Variants in PRKN observed in about 807,000 individuals in gnomAD.
The protein encoded by PRKN is E3 ubiquitin-protein ligase parkin.
PRKN carries 56 observed loss-of-function variants against 59.5 expected under a neutral mutation model. The ratio of observed to expected loss-of-function variants is 0.94; its 90% CI spans 0.76 to 1.18. The LOEUF (loss-of-function observed/expected upper bound fraction) is 1.18. PRKN is among the 50% of genes most tolerant of loss of function. PRKN has a pLI of 0.00. For missense variants in PRKN, 657 were observed against 596.4 expected, an observed-to-expected ratio of 1.10 and a Z score of -1.06; for synonymous variants, 250 against 222.1, an observed-to-expected ratio of 1.13 and a Z score of -1.12.
chr6:162,467,989 T>A (rs756667208), intron 1 of PRKN, among the ~76,000 whole-genome samples: 3 of 152,178 alleles, frequency 2.0e-5, no homozygotes, highest in Admixed American at 1.3e-4. Flanking sequence ...GCTGCACAGG[T>A]CTTCCTGTGA....
intron 1 of PRKN, among the ~76,000 whole-genome samples, chr6:162,610,820 T>C (rs988301348): frequency 1.3e-5 from 2 of 152,190 alleles, no homozygotes; most frequent in African/African-American, 4.8e-5. Context: ...CCTTAATTCA[T>C]TCGAGATTTT....
intron 1 of PRKN, among the ~76,000 whole-genome samples, chr6:162,640,573 A>C (rs1777920330): frequency 6.6e-6 from 1 of 152,188 alleles, no homozygotes; most frequent in Non-Finnish European, 1.5e-5. Context: ...ACAGCAACAT[A>C]TCTAAACAAA....
At chr6:161,615,582 G>A (rs1386507469) in intron 7 of PRKN, among the ~76,000 whole-genome samples, 10 of 152,214 alleles carry the variant, frequency 6.6e-5, no homozygotes, top group African/African-American at 2.2e-4. Flanking sequence ...CACAAGCACC[G>A]GCAAACAGCC....
In PRKN at chr6:161,926,279, G is replaced by A. The variant is rs547074773; in HGVS notation, c.734+47023C>T. Among the ~76,000 whole-genome samples, 5 of 152,222 alleles carry A rather than the reference G, an allele frequency of 3.3e-5. No individual in the cohort carries two copies. The South Asian group carries it at 1.0e-3, about 32-fold the overall frequency. On this transcript the variant is annotated intron_variant, in intron 6 of 11. Coordinates refer to ENST00000366898, the MANE Select transcript of PRKN (RefSeq NM_004562.3). ...CATACTTATATACCTAAATACGCAG[G>A]TCAAGACCTGGGCGAATTTCCCTAT...
intron 2 of PRKN, among the ~76,000 whole-genome samples, chr6:162,441,334 C>T (rs1440970199): frequency 6.6e-6 from 1 of 152,072 alleles, no homozygotes; most frequent in East Asian, 1.9e-4. Flanking sequence ...CAATCTTCAA[C>T]ATCTCTCTTC....
chr6:162,011,475 A>AATATATTATATATATTATAATATAT (rs1782706769), intron 5 of PRKN, among the ~76,000 whole-genome samples: 1 of 14,216 alleles, frequency 7.0e-5, no homozygotes, highest in African/African-American at 5.7e-4. Flanking sequence ...TATAATATAT[A>AATATATTATATATATTATAATATAT]ATATATTATA....
rs147233572 is a variant in PRKN, at chr6:161,478,032, T to C, written c.1083+70822A>G. On this transcript the variant is annotated intron_variant, in intron 9 of 11. Transcript: ENST00000366898. ...TTTAACAAGGAGCAGTTGCAATGTGTTCCATTTTAGCTATTCTGAGGACAA... is the reference window on the plus strand; with the variant it reads ...TTTAACAAGGAGCAGTTGCAATGTGCTCCATTTTAGCTATTCTGAGGACAA... 2.4e-3 allele frequency among the ~76,000 whole-genome samples: 363 copies of C among 152,318 alleles called. 5 individuals carry two copies. In the South Asian group the frequency reaches 0.026, roughly 11 times the overall value.
At chr6:162,568,493 C>T in intron 1 of PRKN, 1 of 673,088 alleles carries the variant, frequency 1.5e-6, no homozygotes. Flanking sequence ...TGGGAGGCAT[C>T]ACCGCCGTTG....
intron 7 of PRKN, among the ~76,000 whole-genome samples, chr6:161,590,715 G>A (rs1204367413): frequency 3.4e-5 from 5 of 148,088 alleles, no homozygotes; most frequent in Admixed American, 2.7e-4. Context: ...CCTGGGTGAC[G>A]ACAGAGTGAG....
At chr6:162,446,020 A>G (rs1188564260) in intron 1 of PRKN, among the ~76,000 whole-genome samples, 1 of 152,198 alleles carries the variant, frequency 6.6e-6, no homozygotes, top group Non-Finnish European at 1.5e-5. Context: ...AGTGCTCCAA[A>G]TAAAGAAAAT....
chr6:161,473,619 A>T lies in PRKN; in HGVS notation c.1083+75235T>A, dbSNP rs1166555764. On this transcript the variant is annotated intron_variant, in intron 9 of 11. Transcript: ENST00000366898. This position sits in a 1 kb window ranked among gnomAD's most constrained non-coding sequence, Gnocchi z 4.1. ...AATGGGGAGATATGGGTCAAAGCAT[A>T]CAAAGTTACAGGTAGGACAAATATT... 6.6e-6 allele frequency among the ~76,000 whole-genome samples: 1 copy of T among 151,848 alleles called. No homozygotes were observed. The highest frequency in any genetic ancestry group is 1.5e-5 in the Non-Finnish European group (1 of 68,000).
chr6:161,625,517 C>T (rs1004946457), intron 7 of PRKN, among the ~76,000 whole-genome samples: 6 of 152,056 alleles, frequency 3.9e-5, no homozygotes, highest in Admixed American at 2.0e-4. Flanking sequence ...ACCTATGTAA[C>T]GAACCTGCAT....
intron 6 of PRKN, among the ~76,000 whole-genome samples, chr6:161,951,236 A>C (rs1779979731): frequency 6.6e-6 from 1 of 152,148 alleles, no homozygotes; most frequent in African/African-American, 2.4e-5. Flanking sequence ...GGGGAACTCC[A>C]AGTCTGCCTT....
chr6:162,372,057 G>C (rs898043170), intron 2 of PRKN, among the ~76,000 whole-genome samples: 3 of 152,234 alleles, frequency 2.0e-5, no homozygotes, highest in Admixed American at 1.3e-4. Context: ...AAGCCCAGGA[G>C]AAAGCTGGAG....
At chr6:162,418,657 T>C (rs6455828) in intron 2 of PRKN, among the ~76,000 whole-genome samples, 28,555 of 145,000 alleles carry the variant, frequency 0.2, 3,245 homozygotes, top group African/African-American at 0.32. Flanking sequence ...TGTATGCGTG[T>C]GTGTTGAGGG....
intron 6 of PRKN, among the ~76,000 whole-genome samples, chr6:161,862,760 C>G (rs1252771907): frequency 6.6e-6 from 1 of 151,370 alleles, no homozygotes; most frequent in African/African-American, 2.5e-5. Context: ...GAGAAGGAGT[C>G]CAAGCCATTC....
chr6:161,563,955 C>A (rs1368636435), intron 8 of PRKN, among the ~76,000 whole-genome samples: 2 of 152,142 alleles, frequency 1.3e-5, no homozygotes, highest in Non-Finnish European at 1.5e-5. Flanking sequence ...ACTTGGCAAC[C>A]TATTTATTTA....
chr6:162,383,472 A>G (rs9456772), intron 2 of PRKN, among the ~76,000 whole-genome samples: 71,399 of 151,886 alleles, frequency 0.47, 18,347 homozygotes, highest in East Asian at 0.71. Context: ...GGGCACAGTA[A>G]GGCTCAACAG....
At chr6:161,991,777 A>G (rs1781657838) in intron 5 of PRKN, among the ~76,000 whole-genome samples, 1 of 152,082 alleles carries the variant, frequency 6.6e-6, no homozygotes, top group African/African-American at 2.4e-5. Context: ...CAGGAGGTGG[A>G]GCTTGCAGTG....
Sources: gnomAD v4.1 joint callset for allele counts (sites outside exome capture counted in the v4.1 genomes callset) on GRCh38, gnomAD v4.1.1 for gene constraint, Gnocchi (gnomAD v3.1) non-coding constraint, MANE v1.5 for transcripts, NCBI Gene and HGNC (gene_info 2026-07-23, HGNC 2026-07-21) for gene names.